Variants in SFXN5 observed in about 807,000 individuals in gnomAD.
SFXN5 encodes sideroflexin-5.
In SFXN5, 43 loss-of-function variants were observed where a neutral mutation model predicts 50.2. The observed-to-expected ratio is 0.86, with a 90% CI of 0.67 to 1.11. SFXN5 has a LOEUF of 1.11. SFXN5 is among the 50% of genes least tolerant of loss of function. The pLI, the probability that SFXN5 is intolerant of heterozygous loss-of-function variation, is 0.00. For synonymous variants in SFXN5, 203 were observed against 185.8 expected (o/e 1.09, Z -0.75); for missense variants, 463 against 454.1 (o/e 1.02, Z -0.18).
In SFXN5 at chr2:73,047,685, T is replaced by C. The variant is rs188527507; in HGVS notation, c.172-6754A>G. 8.1e-4 allele frequency among the ~76,000 whole-genome samples: 123 copies of C among 152,242 alleles called. 3 individuals are homozygous for C. The East Asian group carries it at 0.021, about 26-fold the overall frequency. ...GTGACTTTGCTCCTCATTCACCTTC[T>C]ACCATGACTGTGAGGCCTCCACAGC... On this transcript the variant is annotated intron_variant, in intron 2 of 13. Transcript: ENST00000272433.
chr2:73,022,449 TG>T, intron 5 of SFXN5, 72 bp downstream of exon 5: 2 of 1,173,480 alleles, frequency 1.7e-6, no homozygotes, highest in East Asian at 2.3e-5. Flanking sequence ...CCAGCACATC[TG>T]GATGCTCCTG....
At chr2:73,058,974 C>T in intron 1 of SFXN5, 1 of 838,050 alleles carries the variant, frequency 1.2e-6, no homozygotes, top group Non-Finnish European at 1.5e-6. Context: ...CCCTGCCTTG[C>T]TCAGGACCTT....
intron 12 of SFXN5, among the ~76,000 whole-genome samples, chr2:72,964,924 G>T (rs528043936): frequency 3.3e-5 from 5 of 152,216 alleles, no homozygotes; most frequent in Non-Finnish European, 7.3e-5. Flanking sequence ...CCATGGATAC[G>T]GAAGGGGGGA....
chr2:72,950,789 C>T lies in SFXN5; in HGVS notation c.946-5690G>A, dbSNP rs1418258959. Among the ~76,000 whole-genome samples, 1 of 152,252 alleles carries T rather than the reference C, an allele frequency of 6.6e-6. No homozygotes were observed. Among genetic ancestry groups the T allele is most frequent in the Non-Finnish European group, 1.5e-5 (1 of 68,046 alleles). On this transcript the variant is annotated intron_variant, in intron 13 of 13. Transcript: ENST00000272433. This position sits in a 1 kb window ranked among gnomAD's most constrained non-coding sequence, Gnocchi z 4.2. ...CTTCCTGCTGCCCAACCAACTCCACCCCGCAGAAGGCCAGAGCCCCAGGGC... is the reference window on the plus strand; with the variant it reads ...CTTCCTGCTGCCCAACCAACTCCACTCCGCAGAAGGCCAGAGCCCCAGGGC...
At chr2:72,966,460 G>A (rs1270760707) in intron 12 of SFXN5, among the ~76,000 whole-genome samples, 2 of 152,130 alleles carry the variant, frequency 1.3e-5, no homozygotes, top group Non-Finnish European at 2.9e-5. Flanking sequence ...GAGAGTCAGG[G>A]GCACAAAAGA....
Position 72,953,041 on chromosome 2 carries a change from C to T in SFXN5, c.946-7942G>A, listed in dbSNP as rs1672705212. On this transcript the variant is annotated intron_variant, in intron 13 of 13. Transcript: ENST00000272433. This position sits in a 1 kb window ranked among gnomAD's most constrained non-coding sequence, Gnocchi z 4.1. ...TGTGGGGGAAAGGCTGTCAGGCAGCCCCGCCGAGGCCTGCCACCCGGGCAT... is the reference window on the plus strand; with the variant it reads ...TGTGGGGGAAAGGCTGTCAGGCAGCTCCGCCGAGGCCTGCCACCCGGGCAT... Among the ~76,000 whole-genome samples, 1 of 152,212 alleles carries T rather than the reference C, an allele frequency of 6.6e-6. No individual in the cohort carries two copies. Among genetic ancestry groups the T allele is most frequent in the Non-Finnish European group, 1.5e-5 (1 of 68,044 alleles).
chr2:73,048,155 T>G (rs1266462187), intron 2 of SFXN5, among the ~76,000 whole-genome samples: 1 of 152,222 alleles, frequency 6.6e-6, no homozygotes, highest in Non-Finnish European at 1.5e-5. Context: ...ATCATGCATA[T>G]GTGCATATGA....
At chr2:73,016,438 C>T (rs187463391) in intron 6 of SFXN5, among the ~76,000 whole-genome samples, 28 of 152,334 alleles carry the variant, frequency 1.8e-4, no homozygotes, top group Middle Eastern at 3.4e-3. Flanking sequence ...GGGGCAGTGG[C>T]TCACACCTGT....
intron 2 of SFXN5, among the ~76,000 whole-genome samples, chr2:73,055,258 A>G (rs943252772): frequency 3.9e-5 from 6 of 152,258 alleles, no homozygotes; most frequent in Non-Finnish European, 5.9e-5. Flanking sequence ...CCTAAACTCA[A>G]GTTATTTGAA....
chr2:73,043,446 T>A (rs1203625059), intron 2 of SFXN5, among the ~76,000 whole-genome samples: 1 of 152,168 alleles, frequency 6.6e-6, no homozygotes, highest in Non-Finnish European at 1.5e-5. Flanking sequence ...CCTCGACCCC[T>A]CAGGCCTGCA....
chr2:73,050,419 CA>C (rs1467479221), intron 2 of SFXN5, among the ~76,000 whole-genome samples: 15 of 152,210 alleles, frequency 9.9e-5, no homozygotes, highest in Middle Eastern at 3.4e-3. Context: ...CACACACACA[CA>C]CCCCTGCAGA....
At chr2:73,015,025 C>T (rs1207599744) in intron 6 of SFXN5, among the ~76,000 whole-genome samples, 2 of 152,148 alleles carry the variant, frequency 1.3e-5, no homozygotes, top group Non-Finnish European at 2.9e-5. Context: ...CTTACCCTGT[C>T]CAACACATTA....
intron 3 of SFXN5, among the ~76,000 whole-genome samples, chr2:73,027,739 A>G (rs1677762742): frequency 6.6e-6 from 1 of 151,608 alleles, no homozygotes; most frequent in South Asian, 2.1e-4. Flanking sequence ...AGCTCACTAC[A>G]GCCTCCACCT....
In SFXN5 at chr2:72,953,482, TG is replaced by T. The variant is rs1389199198; in HGVS notation, c.945+7648del. Among the ~76,000 whole-genome samples, 2 of 152,108 alleles carry T rather than the reference TG, an allele frequency of 1.3e-5. No individual in the cohort carries two copies. The highest frequency in any genetic ancestry group is 2.9e-5 in the Non-Finnish European group (2 of 68,038). Reference sequence around the variant, plus strand: ...ATTGTCTCTGGCCTCGCATCAACCCTGGAAGAGTGGGAGAAGCAGGGACCAA... The same window carrying T: ...ATTGTCTCTGGCCTCGCATCAACCCTGAAGAGTGGGAGAAGCAGGGACCAA... On this transcript the variant is annotated intron_variant, in intron 13 of 13. Transcript: ENST00000272433. The surrounding 1 kb of genome is among the most constrained non-coding windows in gnomAD (Gnocchi z 4.1).
intron 1 of SFXN5, chr2:73,059,373 G>A: frequency 2.0e-6 from 2 of 985,420 alleles, no homozygotes; most frequent in Non-Finnish European, 2.4e-6. Flanking sequence ...TGGGGTTCAT[G>A]CCTCACTACA....
Position 72,960,001 on chromosome 2 carries a change from G to A in SFXN5, c.945+1130C>T, listed in dbSNP as rs1229018646. Among the ~76,000 whole-genome samples, 1 of 151,986 alleles carries A rather than the reference G, an allele frequency of 6.6e-6. No individual in the cohort carries two copies. The highest frequency in any genetic ancestry group is 6.6e-5 in the Admixed American group (1 of 15,264). On this transcript the variant is annotated intron_variant, in intron 13 of 13. Transcript: ENST00000272433. This position sits in a 1 kb window ranked among gnomAD's most constrained non-coding sequence, Gnocchi z 6.1. ...CTCATGGAGTGTGACCTCTCAGGAG[G>A]GTCTGACCCTGTGGATGCCCCCCAC...
chr2:73,009,972 G>A (rs1675289517), intron 6 of SFXN5, among the ~76,000 whole-genome samples: 1 of 152,128 alleles, frequency 6.6e-6, no homozygotes, highest in South Asian at 2.1e-4. Context: ...TTGTGTAAGG[G>A]TCCATTTGGC....
intron 2 of SFXN5, among the ~76,000 whole-genome samples, chr2:73,042,165 C>T (rs1458327938): frequency 2.0e-5 from 3 of 152,118 alleles, no homozygotes; most frequent in Non-Finnish European, 4.4e-5. Flanking sequence ...GAGACAGCAA[C>T]AGTAACAGAA....
At chr2:72,975,206 GATGCAAAATC>G (rs1390905613) in intron 10 of SFXN5, among the ~76,000 whole-genome samples, 5 of 152,208 alleles carry the variant, frequency 3.3e-5, no homozygotes, top group Admixed American at 3.3e-4. Flanking sequence ...GACCCATTGC[GATGCAAAATC>G]ATGCAGATTG....
Sources: gnomAD v4.1 joint callset for allele counts (sites outside exome capture counted in the v4.1 genomes callset) on GRCh38, gnomAD v4.1.1 for gene constraint, Gnocchi (gnomAD v3.1) non-coding constraint, MANE v1.5 for transcripts, NCBI Gene and HGNC (gene_info 2026-07-23, HGNC 2026-07-21) for gene names.